PACS1: variants seen among roughly 807,000 people sequenced by gnomAD.
PACS1 encodes PACS-1.
PACS1 carries 24 observed loss-of-function variants against 115.0 expected under a neutral mutation model. The ratio of observed to expected loss-of-function variants is 0.21; its 90% confidence interval spans 0.15 to 0.29. The LOEUF is 0.29. Among genes scored for constraint, PACS1 ranks in the 10% least tolerant of loss-of-function variants. PACS1 has a pLI of 1.00. For synonymous variants in PACS1, 453 were observed against 504.5 expected (o/e 0.90, Z 1.37); for missense variants, 838 against 1,251.2 (o/e 0.67, Z 4.98).
intron 1 of PACS1, among the ~76,000 whole-genome samples, chr11:66,143,708 C>T (rs1021460566): frequency 6.6e-6 from 1 of 152,100 alleles, no homozygotes; most frequent in Admixed American, 6.6e-5. Flanking sequence ...GGCACAATCT[C>T]GGCTCATTGC....
intron 17 of PACS1, among the ~76,000 whole-genome samples, chr11:66,234,662 G>A (rs1855670888): frequency 6.6e-6 from 1 of 152,136 alleles, no homozygotes. Context: ...TGGATCACTT[G>A]AACCCAGGAG....
chr11:66,211,648 G>A (rs1855072024), intron 4 of PACS1, among the ~76,000 whole-genome samples: 1 of 152,112 alleles, frequency 6.6e-6, no homozygotes, highest in African/African-American at 2.4e-5. Flanking sequence ...AGAGTAAGTT[G>A]CTGGCACGAT....
intron 1 of PACS1, among the ~76,000 whole-genome samples, chr11:66,114,322 G>C (rs1258163276): frequency 6.6e-6 from 1 of 151,548 alleles, no homozygotes; most frequent in East Asian, 1.9e-4. Context: ...GGAGGCTGAG[G>C]CAGGGAAATG....
At chr11:66,206,880 T>C (rs907054508) in intron 2 of PACS1, among the ~76,000 whole-genome samples, 1 of 152,226 alleles carries the variant, frequency 6.6e-6, no homozygotes, top group Non-Finnish European at 1.5e-5. Context: ...ATATATGCTC[T>C]GAGCTGAGAA....
Position 66,087,010 on chromosome 11 carries a change from C to A in PACS1, c.356+16168C>A, listed in dbSNP as rs972111805. 2.6e-5 allele frequency among the ~76,000 whole-genome samples: 4 copies of A among 152,092 alleles called. No homozygotes were observed. The East Asian group carries it at 5.8e-4, about 22-fold the overall frequency. On this transcript the variant is annotated intron_variant, in intron 1 of 23. Coordinates refer to ENST00000320580, the MANE Select transcript of PACS1 (RefSeq NM_018026.4). ...AATGTCATGTACACTCAGAAAAGGA[C>A]ATATATCATAAGCCTAACTTGATAA...
chr11:66,220,310 G>A (rs1855312994), intron 8 of PACS1: 6 of 345,950 alleles, frequency 1.7e-5, no homozygotes, highest in Non-Finnish European at 2.7e-5. Context: ...TGTTGAGAGC[G>A]ATTGCTTCGC....
intron 1 of PACS1, among the ~76,000 whole-genome samples, chr11:66,144,691 T>G (rs1216480470): frequency 1.3e-5 from 2 of 152,248 alleles, no homozygotes; most frequent in African/African-American, 4.8e-5. Flanking sequence ...TGGAGTGCAG[T>G]GGCACAATCT....
intron 1 of PACS1, among the ~76,000 whole-genome samples, chr11:66,179,573 A>G (rs537092521): frequency 1.1e-4 from 17 of 152,168 alleles, no homozygotes; most frequent in Non-Finnish European, 2.2e-4. Context: ...CAGTATTAAC[A>G]TATATACCCA....
At chr11:66,177,698 C>T (rs2134649433) in intron 1 of PACS1, among the ~76,000 whole-genome samples, 1 of 152,150 alleles carries the variant, frequency 6.6e-6, no homozygotes, top group Admixed American at 6.5e-5. Flanking sequence ...GTAGCCTTGA[C>T]CTCCTGGGTT....
chr11:66,100,796 TATTAGCTG>T, intron 1 of PACS1: 1 of 456,308 alleles, frequency 2.2e-6, no homozygotes, highest in Non-Finnish European at 4.4e-6. Context: ...TGATGCCAGC[TATTAGCTG>T]GGACCTCCAT....
intron 1 of PACS1, among the ~76,000 whole-genome samples, chr11:66,189,159 G>A (rs1431885769): frequency 6.6e-6 from 1 of 152,140 alleles, no homozygotes; most frequent in Non-Finnish European, 1.5e-5. Flanking sequence ...ACATTTTCTT[G>A]TACTTTGAAG....
In PACS1 at chr11:66,094,119, A is replaced by G. The variant is rs541265687; in HGVS notation, c.356+23277A>G. Among the ~76,000 whole-genome samples, 6 of 151,202 alleles carry G rather than the reference A, an allele frequency of 4.0e-5. No homozygotes were observed. The East Asian group carries it at 1.2e-3, about 29-fold the overall frequency. ...GGGAAGATCCAAAATTGACACCCTA[A>G]CATCACAATTAAAAGAACTAGAAAA... is the stretch of plus-strand genomic sequence containing the variant. On this transcript the variant is annotated intron_variant, in intron 1 of 23. Transcript: ENST00000320580.
intron 1 of PACS1, among the ~76,000 whole-genome samples, chr11:66,082,802 C>T (rs1326965208): frequency 6.6e-6 from 1 of 152,152 alleles, no homozygotes; most frequent in Non-Finnish European, 1.5e-5. Context: ...TTGCAGTGAG[C>T]CAAGATCATG....
intron 2 of PACS1, among the ~76,000 whole-genome samples, chr11:66,208,380 G>A (rs1202292413): frequency 6.6e-6 from 1 of 152,180 alleles, no homozygotes; most frequent in Non-Finnish European, 1.5e-5. Context: ...CACTTTGGGA[G>A]GCAGTGGCAG....
At chr11:66,237,890 A>G (rs1193666880) in intron 19 of PACS1, among the ~76,000 whole-genome samples, 2 of 152,194 alleles carry the variant, frequency 1.3e-5, no homozygotes, top group Non-Finnish European at 2.9e-5. Flanking sequence ...AGACTTCAGC[A>G]AACACAGCCT....
At position 66,070,469 on chromosome 11, in the gene PACS1, C is replaced by A; in HGVS notation, c.-18C>A. ...ATCGGCGTCGCCTCGGCCTCCGTAA[C>A]CCCCGCCTAGCCGGGCCATGGCGGA... is the stretch of plus-strand genomic sequence containing the variant. On this transcript the variant is annotated 5_prime_UTR_variant, in exon 1 of 24. Transcript: ENST00000320580. The surrounding 1 kb of genome is among the most constrained non-coding windows in gnomAD (Gnocchi z 5.9). 11 of 1,254,278 alleles carry A rather than the reference C, an allele frequency of 8.8e-6. No homozygotes were observed. The highest frequency in any genetic ancestry group is 1.0e-5 in the Non-Finnish European group (10 of 1,001,252). 77.7% of individuals were successfully genotyped at this position (1,254,278 alleles called of 1,614,324 possible). A position where few individuals can be genotyped will look rare whatever the true frequency, so the allele number is the denominator to read the frequency against.
At chr11:66,240,576 TC>T (rs1429277001) in intron 21 of PACS1, among the ~76,000 whole-genome samples, 1 of 152,042 alleles carries the variant, frequency 6.6e-6, no homozygotes, top group Non-Finnish European at 1.5e-5. Context: ...TCGGGGCACT[TC>T]CCTTCAGGGT....
Position 66,233,985 on chromosome 11 carries a change from T to G in PACS1, c.1993+46T>G. On this transcript the variant is annotated intron_variant, in intron 16 of 23. Transcript: ENST00000320580. The surrounding 1 kb of genome is among the most constrained non-coding windows in gnomAD (Gnocchi z 4.5). ...GAGGGCGTCGGGCATGAGGGTTCCA[T>G]AGACAGATGCCTCATCTGGAACAGG... 6.4e-7 allele frequency: 1 copy of G among 1,571,436 alleles called. No individual in the cohort carries two copies. The highest frequency in any genetic ancestry group is 1.2e-5 in the South Asian group (1 of 83,534).
intron 1 of PACS1, among the ~76,000 whole-genome samples, chr11:66,088,679 T>C (rs1254368236): frequency 6.6e-6 from 1 of 152,234 alleles, no homozygotes; most frequent in African/African-American, 2.4e-5. Flanking sequence ...TTACGTAGTG[T>C]GTCTTCCCGC....
Sources: allele counts gnomAD v4.1 joint callset (sites outside exome capture counted in the v4.1 genomes callset), GRCh38; gene constraint gnomAD v4.1.1; non-coding constraint Gnocchi (gnomAD v3.1); transcripts MANE v1.5; gene names NCBI Gene and HGNC (gene_info 2026-07-23, HGNC 2026-07-21).